Variants in FGF13 observed in about 807,000 individuals in gnomAD.
The protein encoded by FGF13 is fibroblast growth factor homologous factor 2.
FGF13 carries 2 observed loss-of-function variants against 19.5 expected under a neutral mutation model. That is an observed-to-expected ratio of 0.10 (90% CI 0.04 to 0.32). FGF13 has a LOEUF of 0.32. FGF13 is among the 10% of genes least tolerant of loss of function. The probability of loss-of-function intolerance (pLI) is 1.00; values close to 1 mark genes in which losing one functional copy is unlikely to be tolerated. For missense variants in FGF13, 113 were observed against 192.7 expected (o/e 0.59, Z 2.45); for synonymous variants, 72 against 76.9 (o/e 0.94, Z 0.33).
chrX:138,810,653 T>A (rs1366313749), intron 3 of FGF13, among the ~76,000 whole-genome samples: 22 of 111,731 alleles, frequency 2.0e-4, no homozygotes, highest in Admixed American at 1.5e-3. Flanking sequence ...CAGAGTGAAC[T>A]GGCAACCTAC....
chrX:138,787,001 A>C (rs530880900), intron 3 of FGF13, among the ~76,000 whole-genome samples: 2 of 112,434 alleles, frequency 1.8e-5, no homozygotes, highest in South Asian at 7.4e-4. Flanking sequence ...TTCCCTTGTG[A>C]AACAGAGAAA....
intron 3 of FGF13, among the ~76,000 whole-genome samples, chrX:138,684,919 G>A (rs1395556465): frequency 1.8e-5 from 2 of 110,827 alleles, no homozygotes; most frequent in Admixed American, 9.7e-5. Context: ...TTCAAGAAAG[G>A]GAATAATTGC....
rs1280859498 is a variant in FGF13, at chrX:139,100,057, C to CACACACAT, written c.-113+103358_-113+103359insATGTGTGT. ...GGGAAAGCAAACACACACACACACA[C>CACACACAT]ACACACACACACACACACACACACA... On this transcript the variant is annotated intron_variant, in intron 1 of 2. Transcript: ENST00000421460. Among the ~76,000 whole-genome samples, 117 of 104,341 alleles carry CACACACAT rather than the reference C, an allele frequency of 1.1e-3. 1 individual carries two copies. The highest frequency in any genetic ancestry group is 4.3e-3 in the African/African-American group (117 of 26,999). The allele number at this position is 104,341 out of a possible 115,157, so 90.6% of individuals were successfully genotyped here.
In FGF13 at chrX:138,657,807, T is replaced by G. The variant is rs775341371; in HGVS notation, c.403-22152A>C. Among the ~76,000 whole-genome samples, 226 of 112,179 alleles carry G rather than the reference T, an allele frequency of 2.0e-3. 1 individual carries two copies. Among genetic ancestry groups the G allele is most frequent in the African/African-American group, 7.1e-3 (219 of 30,970 alleles). On this transcript the variant is annotated intron_variant, in intron 3 of 4. Coordinates refer to ENST00000315930, the MANE Select transcript of FGF13 (RefSeq NM_004114.5). The stretch of plus-strand genomic sequence containing the variant: ...AAATAAAAACAACCAATTCCCAGTA[T>G]GATTACTACACTGATGTCAGAAATC...
At chrX:138,714,501 C>T (rs979504513), upstream of FGF13, among the ~76,000 whole-genome samples, 4 of 111,082 alleles carry the variant, frequency 3.6e-5, 1 homozygote, top group African/African-American at 1.3e-4. Flanking sequence ...CAAAATTAGC[C>T]AGGCATGGTG....
chrX:139,181,879 T>G (rs1015811756), intron 1 of FGF13, among the ~76,000 whole-genome samples: 2 of 110,610 alleles, frequency 1.8e-5, no homozygotes, highest in Non-Finnish European at 3.8e-5. Context: ...CTGGCGGGGC[T>G]TTTCCAGTTG....
intron 1 of FGF13, among the ~76,000 whole-genome samples, chrX:139,074,032 C>A (rs2092385095): frequency 8.9e-6 from 1 of 112,491 alleles, no homozygotes; most frequent in Admixed American, 9.4e-5. Flanking sequence ...CGCTAAATTT[C>A]TCTTTCCTGT....
Position 138,809,802 on chromosome X carries a change from GACAA to G in FGF13, c.217+47706_217+47709del, listed in dbSNP as rs754963196. 3.5e-3 allele frequency among the ~76,000 whole-genome samples: 388 copies of G among 111,437 alleles called. 1 individual carries two copies. Among genetic ancestry groups the G allele is most frequent in the Non-Finnish European group, 4.6e-3 (244 of 53,069 alleles). On this transcript the variant is annotated intron_variant, in intron 3 of 6. Coordinates refer to the FGF13 transcript ENST00000436198. The stretch of plus-strand genomic sequence containing the variant: ...CAAGTATTCTTATACACCAATAACA[GACAA>G]ACAGAGAGCCAAATCATGAGTGAAC...
rs1445977367 is a variant in FGF13 at position 138,678,681 on chromosome X, A to T, written c.402+24303T>A. On this transcript the variant is annotated intron_variant, in intron 3 of 4. Coordinates refer to ENST00000315930, the MANE Select transcript of FGF13 (RefSeq NM_004114.5). Reference sequence around the variant, plus strand: ...ATGATGGCAAACTTATATAACATGAACTTGAATGAATGTAGTGTTTCTTTT... The same window carrying T: ...ATGATGGCAAACTTATATAACATGATCTTGAATGAATGTAGTGTTTCTTTT... 3.6e-5 allele frequency among the ~76,000 whole-genome samples: 4 copies of T among 111,943 alleles called. No homozygotes were observed. The Admixed American group carries it at 3.8e-4, about 11-fold the overall frequency.
chrX:139,135,501 T>C (rs750105237), intron 1 of FGF13, among the ~76,000 whole-genome samples: 2 of 112,219 alleles, frequency 1.8e-5, no homozygotes, highest in Admixed American at 9.4e-5. Context: ...AAGCATAATA[T>C]CTATGGTAAT....
chrX:138,646,984 C>A (rs748912042), intron 3 of FGF13, among the ~76,000 whole-genome samples: 3 of 110,953 alleles, frequency 2.7e-5, no homozygotes, highest in Non-Finnish European at 5.7e-5. Context: ...CACCCTCACC[C>A]GTGAATGTTT....
intron 3 of FGF13, among the ~76,000 whole-genome samples, chrX:138,677,372 C>A (rs1401832842): frequency 2.7e-5 from 3 of 109,611 alleles, no homozygotes; most frequent in Admixed American, 2.0e-4. Context: ...AAAGAAACTA[C>A]CATCAGAGTG....
chrX:138,963,798 A>G (rs911478869), intron 1 of FGF13, among the ~76,000 whole-genome samples: 8 of 111,791 alleles, frequency 7.2e-5, no homozygotes, highest in Non-Finnish European at 1.3e-4. Flanking sequence ...TCCTATTTGA[A>G]TGTTTAAAAA....
chrX:139,063,129 G>A (rs1200052603), intron 1 of FGF13, among the ~76,000 whole-genome samples: 1 of 111,804 alleles, frequency 8.9e-6, no homozygotes, highest in Non-Finnish European at 1.9e-5. Flanking sequence ...CTTAAAACCT[G>A]AAAGAAAGTC....
intron 1 of FGF13, among the ~76,000 whole-genome samples, chrX:138,874,899 G>A (rs1396442308): frequency 2.7e-5 from 3 of 111,526 alleles, no homozygotes; most frequent in African/African-American, 9.8e-5. Context: ...AAGCAGCCTC[G>A]GGCCTCTCTC....
At chrX:138,688,746 T>C (rs1190631420) in intron 3 of FGF13, among the ~76,000 whole-genome samples, 1 of 112,031 alleles carries the variant, frequency 8.9e-6, no homozygotes, top group Non-Finnish European at 1.9e-5. Context: ...AAACTGACCA[T>C]ATAAAAAGAA....
chrX:139,063,224 T>G (rs966120388), intron 1 of FGF13, among the ~76,000 whole-genome samples: 1 of 111,483 alleles, frequency 9.0e-6, no homozygotes, highest in Non-Finnish European at 1.9e-5. Context: ...TTCTTCTTGT[T>G]TCTTGCTATT....
intron 3 of FGF13, among the ~76,000 whole-genome samples, chrX:138,668,699 G>T (rs1212049040): frequency 6.4e-5 from 7 of 109,482 alleles, no homozygotes; most frequent in African/African-American, 2.3e-4. Context: ...GGAAACTGGG[G>T]GTGGGGAGGA....
intron 1 of FGF13, among the ~76,000 whole-genome samples, chrX:139,129,077 G>A (rs758787681): frequency 1.3e-3 from 136 of 107,663 alleles, no homozygotes; most frequent in African/African-American, 4.5e-3. Context: ...ATGCTATGGA[G>A]GCATTCTTCC....
Sources: gnomAD v4.1 joint callset for allele counts (sites outside exome capture counted in the v4.1 genomes callset) on GRCh38, gnomAD v4.1.1 for gene constraint, MANE v1.5 for transcripts, NCBI Gene and HGNC (gene_info 2026-07-23, HGNC 2026-07-21) for gene names.